NUMA1: variants seen among roughly 807,000 people sequenced by gnomAD.
NUMA1 encodes SP-H antigen.
NUMA1 carries 62 observed loss-of-function variants against 237.1 expected under a neutral mutation model. The ratio of observed to expected loss-of-function variants is 0.26; its 90% CI spans 0.21 to 0.32. NUMA1 has a LOEUF of 0.32. Among genes scored for constraint, NUMA1 ranks in the 10% least tolerant of loss-of-function variants. The pLI is 1.00. For synonymous variants in NUMA1, 1,028 were observed against 1,066.1 expected (o/e 0.96, Z 0.70); for missense variants, 2,533 against 2,666.5 (o/e 0.95, Z 1.10).
chr11:72,067,886 T>C (rs941476007), intron 2 of NUMA1: 2 of 152,238 alleles, frequency 1.3e-5, no homozygotes, highest in African/African-American at 4.8e-5. Context: ...GACCACTGTT[T>C]CCAGGAACAG....
rs762508147 is a variant in NUMA1, at chr11:72,015,808, C to T, written c.1695G>A (p.Gln565=). 6.2e-7 allele frequency: 1 copy of T among 1,614,264 alleles called. No individual in the cohort carries two copies. Among genetic ancestry groups the T allele is most frequent in the South Asian group, 1.1e-5 (1 of 91,090 alleles). ...QLSSSLKQKE[Q]QLKEVAEKQE... ...GCTTCTCCGCTACCTCCTTCAACTG[C>T]TGCTCCTTCTGCTTCAGGCTACTGC... Residue 565 remains glutamine (Q), a synonymous_variant, in exon 15 of 27, where the codon CAG becomes CAA. Coordinates refer to ENST00000393695, the MANE Select transcript of NUMA1 (RefSeq NM_006185.4). The surrounding 1 kb of genome is among the most constrained non-coding windows in gnomAD (Gnocchi z 4.0).
At chr11:72,071,081 G>T (rs1381229329) in intron 1 of NUMA1, among the ~76,000 whole-genome samples, 1 of 152,168 alleles carries the variant, frequency 6.6e-6, no homozygotes, top group Non-Finnish European at 1.5e-5. Context: ...CACTTTTCAT[G>T]ATACACAACC....
rs893287284 is a variant in NUMA1 at position 72,005,785 on chromosome 11, A to C, written c.5692+250T>G. 5.5e-6 allele frequency: 3 copies of C among 545,834 alleles called. No individual in the cohort carries two copies. The South Asian group carries it at 7.4e-5, about 13-fold the overall frequency. The allele number at this position is 545,834 out of a possible 1,614,324, so 33.8% of individuals were successfully genotyped here. A position where few individuals can be genotyped will look rare whatever the true frequency, so the allele number is the denominator to read the frequency against. On this transcript the variant is annotated intron_variant, in intron 22 of 26. Transcript: ENST00000393695. ...CTGAGAAGGGCATGGAGGACTCCCC[A>C]CAGCTAAGTGTCACAATTGTGCTGG...
chr11:72,027,884 T>TA (rs1466531771), intron 4 of NUMA1, among the ~76,000 whole-genome samples: 1 of 152,020 alleles, frequency 6.6e-6, no homozygotes, highest in African/African-American at 2.4e-5. Context: ...GATGACCAAT[T>TA]AGAGATCAGC....
chr11:72,051,672 T>C (rs1267108875), intron 2 of NUMA1, among the ~76,000 whole-genome samples: 1 of 152,024 alleles, frequency 6.6e-6, no homozygotes, highest in African/African-American at 2.4e-5. Flanking sequence ...AGTTTTGCCA[T>C]TTGCCCAAGC....
chr11:72,021,117 C>T, intron 8 of NUMA1, 87 bp downstream of exon 8: 2 of 1,106,446 alleles, frequency 1.8e-6, no homozygotes, highest in South Asian at 2.6e-5. Flanking sequence ...GGGACAGAAA[C>T]AAACCCCCAC....
In NUMA1 at chr11:72,004,650, C is replaced by T. The variant is rs780069834; in HGVS notation, c.5996G>A (p.Gly1999Glu). The T allele has an allele frequency of 1.9e-6, 3 of 1,612,612 alleles. No homozygotes were observed. Among genetic ancestry groups the T allele is most frequent in the South Asian group, 2.2e-5 (2 of 91,016 alleles). The change falls in exon 24 of 27, where the codon GGA becomes GAA. Residue 1999 changes from glycine (G) to glutamate (E), a missense_variant. This residue lies in a region of NUMA1 where 795 missense variants were observed against 750.8 expected (regional missense o/e 1.06). Transcript: ENST00000393695. ...RVSLEPHQGP[G>E]TPESKKATSC... is the part of the protein sequence containing the mutation. Reference sequence around the variant, plus strand: ...AGCCACCGCGCCTACCTCAGGAGTTCCAGGGCCCTGGTGGGGCTCTAGGGA... The same window carrying T: ...AGCCACCGCGCCTACCTCAGGAGTTTCAGGGCCCTGGTGGGGCTCTAGGGA...
At chr11:72,027,576 G>A (rs74996732) in intron 4 of NUMA1, among the ~76,000 whole-genome samples, 2,811 of 152,054 alleles carry the variant, frequency 0.018, 82 homozygotes, top group African/African-American at 0.06. Context: ...AGGTGGTGTC[G>A]AGTGGGGAGA....
chr11:72,055,421 A>C (rs1942582257), intron 2 of NUMA1, among the ~76,000 whole-genome samples: 2 of 152,216 alleles, frequency 1.3e-5, no homozygotes, highest in South Asian at 4.1e-4. Context: ...TCTGGCTCCT[A>C]ATCTGGGGCT....
chr11:72,057,075 CAA>C (rs35648032), intron 2 of NUMA1, among the ~76,000 whole-genome samples: 43 of 90,340 alleles, frequency 4.8e-4, no homozygotes, highest in African/African-American at 5.7e-4. Flanking sequence ...ATTAAAAAAG[CAA>C]AAAAAAAAAA....
intron 2 of NUMA1, among the ~76,000 whole-genome samples, chr11:72,057,294 C>G (rs904858495): frequency 1.3e-5 from 2 of 152,192 alleles, no homozygotes; most frequent in South Asian, 4.1e-4. Flanking sequence ...AATTACAAAG[C>G]TGGTTCCTTC....
At position 72,015,302 on chromosome 11, in the gene NUMA1, C is replaced by T. The variant is rs1281044197; in HGVS notation, c.2201G>A (p.Arg734His). Residue 734 changes from arginine (R) to histidine (H), a missense_variant, in exon 15 of 27, where the codon CGT (arginine) becomes CAT (histidine). Around this residue, in one of 3 missense-constraint regions of NUMA1, gnomAD observed 1,414 missense variants for 1,508.1 expected, o/e 0.94. Coordinates refer to ENST00000393695, the MANE Select transcript of NUMA1 (RefSeq NM_006185.4). This position sits in a 1 kb window ranked among gnomAD's most constrained non-coding sequence, Gnocchi z 4.0. ...CTCTGCCTTCAGCTCAGAGATACAA[C>T]GCTGCTGCTCTTCCAGGGCATCTGC... ...RAADALEEQQ[R>H]CISELKAETR... The T allele has an allele frequency of 5.0e-6, 8 of 1,613,594 alleles. No individual in the cohort carries two copies. Among genetic ancestry groups the T allele is most frequent in the Admixed American group, 1.7e-5 (1 of 60,028 alleles).
intron 2 of NUMA1, among the ~76,000 whole-genome samples, chr11:72,039,485 T>TA (rs1941420976): frequency 6.6e-6 from 1 of 152,136 alleles, no homozygotes; most frequent in South Asian, 2.1e-4. Context: ...AGAGAGTTGT[T>TA]AAACTATACC....
At position 72,006,351 on chromosome 11, in the gene NUMA1, C is replaced by T. The variant is rs988737245; in HGVS notation, c.5464-88G>A. The stretch of plus-strand genomic sequence containing the variant: ...TCCCTTCCGAAGCCCTCAGATCCCA[C>T]GGCACATCCATGTATTCCCAACTGC... On this transcript the variant is annotated intron_variant, in intron 21 of 26. Coordinates refer to ENST00000393695, the MANE Select transcript of NUMA1 (RefSeq NM_006185.4). The T allele has an allele frequency of 1.4e-4, 155 of 1,114,734 alleles. 2 individuals carry two copies. In the Admixed American group the frequency reaches 2.9e-3, roughly 21 times the overall value. 69.1% of individuals were successfully genotyped at this position (1,114,734 alleles called of 1,614,324 possible).
At chr11:72,037,276 C>T (rs1037685557) in intron 2 of NUMA1, among the ~76,000 whole-genome samples, 1 of 152,128 alleles carries the variant, frequency 6.6e-6, no homozygotes, top group Admixed American at 6.6e-5. Flanking sequence ...GAGACCAAGG[C>T]GGGTGGATCG....
At chr11:72,058,738 T>G (rs1485120254) in intron 2 of NUMA1, among the ~76,000 whole-genome samples, 1 of 152,150 alleles carries the variant, frequency 6.6e-6, no homozygotes, top group Non-Finnish European at 1.5e-5. Flanking sequence ...ACAAGACATG[T>G]GATAGTTACT....
In NUMA1 at chr11:72,007,213, C is replaced by G. The variant is rs745928879; in HGVS notation, c.5439G>C (p.Gln1813His). ...KTRSARRRTT[Q>H]IINITMTKKL... ...CCTTGGTCATGGTGATGTTGATGAT[C>G]TGCGTGGTGCGCCGACGAGCGGAGC... Residue 1813 changes from glutamine (Q) to histidine (H), a missense_variant, in exon 21 of 27, where the codon CAG becomes CAC. Transcript: ENST00000393695. 3.1e-6 allele frequency: 5 copies of G among 1,610,778 alleles called. No individual in the cohort carries two copies. The highest frequency in any genetic ancestry group is 4.2e-6 in the Non-Finnish European group (5 of 1,179,984).
chr11:72,026,897 T>G (rs577277427), intron 4 of NUMA1, among the ~76,000 whole-genome samples: 3 of 152,186 alleles, frequency 2.0e-5, no homozygotes, highest in Admixed American at 1.3e-4. Context: ...GGATCTGAGA[T>G]GGAGATTAGC....
At position 72,013,872 on chromosome 11, in the gene NUMA1, C is replaced by T. The variant is rs1304825337; in HGVS notation, c.3631G>A (p.Ala1211Thr). 4 of 1,613,728 alleles carry T rather than the reference C, an allele frequency of 2.5e-6. No homozygotes were observed. The African/African-American group carries it at 5.3e-5, about 22-fold the overall frequency. Residue 1211 changes from alanine (A) to threonine (T), a missense_variant, in exon 15 of 27, where the codon GCC becomes ACC. By Grantham distance (58) the Ala-to-Thr change is moderately conservative. Coordinates refer to ENST00000393695, the MANE Select transcript of NUMA1 (RefSeq NM_006185.4). This position sits in a 1 kb window ranked among gnomAD's most constrained non-coding sequence, Gnocchi z 6.8. ...DHSKAEDEWK[A>T]QVARGRQEAE... ...TCTTGCCGGCCCCGGGCCACCTGGG[C>T]CTTCCACTCATCTTCAGCCTTGCTG...
Sources: gnomAD v4.1 joint callset for allele counts (sites outside exome capture counted in the v4.1 genomes callset) on GRCh38, gnomAD v4.1.1 for gene constraint, gnomAD v4.1.1 regional missense constraint, Gnocchi (gnomAD v3.1) non-coding constraint, MANE v1.5 for transcripts, NCBI Gene and HGNC (gene_info 2026-07-23, HGNC 2026-07-21) for gene names.